Variants in ARNT2 observed in about 807,000 individuals in gnomAD.
ARNT2 encodes ARNT protein 2.
A neutral mutation model predicts 91.7 loss-of-function variants in ARNT2; 36 were observed. The observed-to-expected ratio is 0.39, with a 90% CI of 0.30 to 0.52. The LOEUF (loss-of-function observed/expected upper bound fraction) is 0.52. ARNT2 is among the 20% of genes least tolerant of loss of function. The pLI, the probability that ARNT2 is intolerant of heterozygous loss-of-function variation, is 0.72. For synonymous variants in ARNT2, 365 were observed against 347.1 expected (o/e 1.05, Z -0.57); for missense variants, 775 against 939.3 (o/e 0.83, Z 2.29).
At chr15:80,430,808 C>G (rs1469106163) in intron 1 of ARNT2, among the ~76,000 whole-genome samples, 1 of 152,200 alleles carries the variant, frequency 6.6e-6, no homozygotes, top group Non-Finnish European at 1.5e-5. Context: ...AGAACCCTGA[C>G]AGCAGTTGGG....
At position 80,596,950 on chromosome 15, in the gene ARNT2, A is replaced by G; in HGVS notation, c.*3252A>G. The G allele has an allele frequency of 2.8e-6, 1 of 354,606 alleles. No homozygotes were observed. The highest frequency in any genetic ancestry group is 5.6e-6 in the Non-Finnish European group (1 of 179,678). The allele number at this position is 354,606 out of a possible 1,614,324, so 22.0% of individuals were successfully genotyped here. On this transcript the variant is annotated 3_prime_UTR_variant, in exon 19 of 19. Transcript: ENST00000303329. ...CAGTTTTATTTTTAGCTTTGGCTTC[A>G]GGGAGTGACAGCCATCACAAATAGC...
chr15:80,405,214 C>A (rs972884375), intron 1 of ARNT2, among the ~76,000 whole-genome samples: 2 of 152,156 alleles, frequency 1.3e-5, no homozygotes, highest in Non-Finnish European at 2.9e-5. Flanking sequence ...GGAAATATTT[C>A]AAAAATGGAA....
intron 8 of ARNT2, among the ~76,000 whole-genome samples, chr15:80,539,082 A>T (rs780220077): frequency 6.6e-6 from 1 of 152,150 alleles, no homozygotes; most frequent in Non-Finnish European, 1.5e-5. Flanking sequence ...GAAAGCTGAC[A>T]AAACTGCACC....
intron 1 of ARNT2, among the ~76,000 whole-genome samples, chr15:80,430,040 G>A (rs2141568092): frequency 6.6e-6 from 1 of 152,242 alleles, no homozygotes; most frequent in East Asian, 1.9e-4. Flanking sequence ...CTGTCCTTGA[G>A]GCCCCACCAG....
At chr15:80,556,187 G>A (rs1024584659) in intron 11 of ARNT2, 4 of 152,396 alleles carry the variant, frequency 2.6e-5, no homozygotes, top group African/African-American at 7.2e-5. Context: ...TGTAGGCTGA[G>A]GCAAGAGAAT....
At position 80,506,188 on chromosome 15, in the gene ARNT2, G is replaced by T. The variant is rs549629498; in HGVS notation, c.623-1968G>T. On this transcript the variant is annotated intron_variant, in intron 5 of 18. Coordinates refer to ENST00000303329, the MANE Select transcript of ARNT2 (RefSeq NM_014862.4). ...CCTGACCTCATGATCCACCCGCCTC[G>T]GCCTCCCAAAGTGCTGGGATTACAG... is the stretch of plus-strand genomic sequence containing the variant. 1.4e-4 allele frequency among the ~76,000 whole-genome samples: 21 copies of T among 151,968 alleles called. 1 individual carries two copies. The South Asian group carries it at 4.4e-3, about 32-fold the overall frequency.
intron 1 of ARNT2, chr15:80,441,142 T>A (rs770890671): frequency 3.6e-4 from 323 of 890,426 alleles, no homozygotes; most frequent in Middle Eastern, 1.1e-3. Context: ...ACCTAAGCAG[T>A]TAATGCTAGA....
intron 8 of ARNT2, among the ~76,000 whole-genome samples, chr15:80,519,118 C>T (rs370424073): frequency 2.2e-4 from 34 of 152,188 alleles, no homozygotes; most frequent in African/African-American, 6.3e-4. Flanking sequence ...AATGTATGTG[C>T]GAGGCATTGT....
intron 11 of ARNT2, among the ~76,000 whole-genome samples, chr15:80,558,055 C>T (rs1022409036): frequency 1.3e-5 from 2 of 152,142 alleles, no homozygotes; most frequent in African/African-American, 2.4e-5. Flanking sequence ...ATGCTTTTCC[C>T]AACCTCAGGG....
At chr15:80,473,635 A>C (rs992337160) in intron 4 of ARNT2, among the ~76,000 whole-genome samples, 2 of 152,176 alleles carry the variant, frequency 1.3e-5, no homozygotes, top group Non-Finnish European at 2.9e-5. Context: ...AAATGGGCAA[A>C]ATAAACTTAT....
chr15:80,586,856 G>A (rs1430453292), intron 17 of ARNT2, among the ~76,000 whole-genome samples: 2 of 140,164 alleles, frequency 1.4e-5, no homozygotes, highest in South Asian at 2.3e-4. Flanking sequence ...AAAAAAAAAA[G>A]GAATTTATTA....
chr15:80,524,267 T>TA (rs956955408), intron 8 of ARNT2, among the ~76,000 whole-genome samples: 7 of 151,930 alleles, frequency 4.6e-5, no homozygotes, highest in African/African-American at 7.3e-5. Context: ...TTGGTAAAGT[T>TA]AAAAAAAATG....
intron 5 of ARNT2, among the ~76,000 whole-genome samples, chr15:80,503,410 C>A (rs1370609804): frequency 6.6e-6 from 1 of 152,166 alleles, no homozygotes; most frequent in East Asian, 1.9e-4. Flanking sequence ...TCATTGTGTC[C>A]AAGGAAACCG....
intron 2 of ARNT2, among the ~76,000 whole-genome samples, chr15:80,453,169 C>G (rs1235507835): frequency 1.3e-5 from 2 of 152,202 alleles, no homozygotes; most frequent in African/African-American, 4.8e-5. Flanking sequence ...CCTGAGCAGG[C>G]AGAGACAGAG....
intron 5 of ARNT2, chr15:80,487,611 A>G (rs554072521): frequency 5.3e-5 from 8 of 152,368 alleles, no homozygotes; most frequent in South Asian, 2.1e-4. Flanking sequence ...TTGGACTTAG[A>G]TAGCTGGTAC....
intron 5 of ARNT2, among the ~76,000 whole-genome samples, chr15:80,476,033 G>A (rs971158096): frequency 6.6e-6 from 1 of 152,176 alleles, no homozygotes; most frequent in Admixed American, 6.5e-5. Context: ...TCAGATAAAA[G>A]CAAAAATAAA....
intron 1 of ARNT2, among the ~76,000 whole-genome samples, chr15:80,428,892 A>G (rs993153280): frequency 1.3e-5 from 2 of 152,226 alleles, no homozygotes; most frequent in East Asian, 3.9e-4. Context: ...CATTCGACAC[A>G]TGCTTCCTGC....
At chr15:80,417,177 G>A (rs1895798161) in intron 1 of ARNT2, among the ~76,000 whole-genome samples, 1 of 152,142 alleles carries the variant, frequency 6.6e-6, no homozygotes, top group Non-Finnish European at 1.5e-5. Flanking sequence ...AAATTGAAAA[G>A]CTTTTCAGGT....
chr15:80,417,399 C>A (rs1335017117), intron 1 of ARNT2, among the ~76,000 whole-genome samples: 1 of 152,196 alleles, frequency 6.6e-6, no homozygotes. Flanking sequence ...AAAAAGAGAT[C>A]ACCTTTTGTT....
Sources: gnomAD v4.1 joint callset for allele counts (sites outside exome capture counted in the v4.1 genomes callset) on GRCh38, gnomAD v4.1.1 for gene constraint, MANE v1.5 for transcripts, NCBI Gene and HGNC (gene_info 2026-07-23, HGNC 2026-07-21) for gene names.